Variants in MED12L observed in about 807,000 individuals in gnomAD.
MED12L encodes the protein mediator of RNA polymerase II transcription subunit 12-like protein.
MED12L carries 60 observed loss-of-function variants against 281.3 expected under a neutral mutation model. The observed-to-expected ratio is 0.21, with a 90% CI of 0.17 to 0.26. MED12L has a LOEUF of 0.26. Among genes scored for constraint, MED12L ranks in the 10% least tolerant of loss-of-function variants. The probability of loss-of-function intolerance (pLI) is 1.00; values close to 1 mark genes in which losing one functional copy is unlikely to be tolerated. For synonymous variants in MED12L, 974 were observed against 987.2 expected (o/e 0.99, Z 0.25); for missense variants, 2,146 against 2,680.9 (o/e 0.80, Z 4.41).
At chr3:151,093,714 C>T (rs1720358621) in intron 2 of MED12L, among the ~76,000 whole-genome samples, 1 of 152,224 alleles carries the variant, frequency 6.6e-6, no homozygotes, top group Non-Finnish European at 1.5e-5. Context: ...ATAGCTATAT[C>T]TCCCTTCTGC....
intron 36 of MED12L, among the ~76,000 whole-genome samples, chr3:151,386,150 T>A (rs10935842): frequency 0.3 from 45,156 of 152,052 alleles, 7,593 homozygotes; most frequent in Non-Finnish European, 0.38. Context: ...AAGAATCAGA[T>A]TTACCAGGGA....
Position 151,355,128 on chromosome 3 carries a change from C to T in MED12L, c.2406C>T (p.Asp802=), listed in dbSNP as rs199750872. 9.3e-6 allele frequency: 15 copies of T among 1,612,304 alleles called. No homozygotes were observed. Among genetic ancestry groups the T allele is most frequent in the Non-Finnish European group, 1.1e-5 (13 of 1,178,786 alleles). ...KKSTTETGVG[D]EGQKARKNKQ... ...TGCTTTATGTTTATGTAGTTGGGGA[C>T]GAAGGACAAAAAGCCAGGAAGAACA... Residue 802 remains aspartate, a synonymous_variant, in exon 18 of 45, where the codon GAC becomes GAT. Coordinates refer to ENST00000687756, the MANE Select transcript of MED12L (RefSeq NM_001393769.1).
chr3:151,127,809 T>C lies in MED12L; in HGVS notation c.397-16T>C. The C allele has an allele frequency of 6.5e-7, 1 of 1,537,722 alleles. No homozygotes were observed. Among genetic ancestry groups the C allele is most frequent in the South Asian group, 1.1e-5 (1 of 88,812 alleles). Reference sequence around the variant, plus strand: ...GTACGTGATTATTATAAATATACTATGTTGTTTCTTTTTAGGTTCCTATCC... The same window carrying C: ...GTACGTGATTATTATAAATATACTACGTTGTTTCTTTTTAGGTTCCTATCC... On this transcript the variant is annotated splice_polypyrimidine_tract_variant and intron_variant, in intron 4 of 44. Coordinates refer to ENST00000687756, the MANE Select transcript of MED12L (RefSeq NM_001393769.1).
intron 2 of MED12L, among the ~76,000 whole-genome samples, chr3:151,114,166 A>G (rs994189830): frequency 6.6e-6 from 1 of 152,214 alleles, no homozygotes; most frequent in African/African-American, 2.4e-5. Flanking sequence ...GTTTTGCTCT[A>G]TATTTTCACA....
intron 16 of MED12L, among the ~76,000 whole-genome samples, chr3:151,197,304 C>T (rs1309590649): frequency 6.6e-6 from 1 of 152,218 alleles, no homozygotes; most frequent in East Asian, 1.9e-4. Flanking sequence ...GCTGAGATTA[C>T]AGGCGTGCAC....
At chr3:151,121,597 A>G (rs2148769326) in intron 3 of MED12L, among the ~76,000 whole-genome samples, 1 of 152,360 alleles carries the variant, frequency 6.6e-6, no homozygotes, top group Non-Finnish European at 1.5e-5. Flanking sequence ...GGGGATATTT[A>G]TCAGAAATTA....
chr3:151,214,762 C>T (rs1023392033), intron 16 of MED12L, among the ~76,000 whole-genome samples: 2 of 152,082 alleles, frequency 1.3e-5, no homozygotes, highest in African/African-American at 4.8e-5. Context: ...AATAATGGTT[C>T]CCTATAAAAC....
intron 43 of MED12L, among the ~76,000 whole-genome samples, chr3:151,429,405 C>T (rs1299125272): frequency 3.3e-5 from 5 of 152,072 alleles, no homozygotes; most frequent in Admixed American, 2.6e-4. Flanking sequence ...GGTGTATGTG[C>T]CTGTGTCAGA....
chr3:151,285,350 T>G (rs964030159), intron 16 of MED12L, among the ~76,000 whole-genome samples: 4 of 152,038 alleles, frequency 2.6e-5, no homozygotes, highest in East Asian at 3.9e-4. Flanking sequence ...CCGGGTGTGG[T>G]GGCGGGTGCC....
chr3:151,238,020 A>G (rs1430063573), intron 16 of MED12L, among the ~76,000 whole-genome samples: 1 of 152,208 alleles, frequency 6.6e-6, no homozygotes, highest in East Asian at 1.9e-4. Context: ...GTTATATTTC[A>G]AGAAGCAAAA....
rs62283027 is a variant in MED12L, at chr3:151,298,622, A to C, written c.2251-51437A>C. 6.5e-3 allele frequency among the ~76,000 whole-genome samples: 988 copies of C among 152,108 alleles called. 8 individuals are homozygous for C. Among genetic ancestry groups the C allele is most frequent in the South Asian group, 0.015 (71 of 4,826 alleles). ...TGACATAACTCAGTTTACTAGTTCC[A>C]TAGTAAATTATTTTGTGCCATGTGT... On this transcript the variant is annotated intron_variant, in intron 16 of 44. Coordinates refer to ENST00000687756, the MANE Select transcript of MED12L (RefSeq NM_001393769.1).
chr3:151,253,712 T>C (rs1390412418), intron 16 of MED12L, among the ~76,000 whole-genome samples: 4 of 152,072 alleles, frequency 2.6e-5, no homozygotes, highest in African/African-American at 9.7e-5. Flanking sequence ...ATGGAGTCAT[T>C]TGGCTTGTCT....
intron 28 of MED12L, 57 bp from the exon 29 acceptor site, chr3:151,376,743 A>T: frequency 7.3e-7 from 1 of 1,364,698 alleles, no homozygotes; most frequent in Non-Finnish European, 1.0e-6. Flanking sequence ...GTAAGAAATT[A>T]CTGTATTTTA....
At chr3:151,321,180 A>G (rs533751686) in intron 16 of MED12L, among the ~76,000 whole-genome samples, 19 of 152,294 alleles carry the variant, frequency 1.2e-4, no homozygotes, top group African/African-American at 2.2e-4. Context: ...CTGGTTTCCT[A>G]TTAGTGACAA....
At chr3:151,202,460 C>G (rs570703493) in intron 16 of MED12L, among the ~76,000 whole-genome samples, 1 of 152,306 alleles carries the variant, frequency 6.6e-6, no homozygotes, top group South Asian at 2.1e-4. Context: ...CACTTGAGGT[C>G]AAGAGTTCGA....
At chr3:151,269,836 G>A (rs1170858398) in intron 16 of MED12L, 7 of 440,852 alleles carry the variant, frequency 1.6e-5, no homozygotes, top group African/African-American at 1.2e-4. Flanking sequence ...CCAGTCAAAC[G>A]CAGAGTAAAG....
intron 11 of MED12L, among the ~76,000 whole-genome samples, chr3:151,180,420 G>A (rs1213689708): frequency 1.3e-5 from 2 of 152,178 alleles, no homozygotes; most frequent in Admixed American, 6.5e-5. Context: ...TCTTTTAGAC[G>A]TTTCTCTCTA....
chr3:151,165,765 A>G lies in MED12L; in HGVS notation c.1358-81A>G. On this transcript the variant is annotated intron_variant, in intron 10 of 44. Coordinates refer to ENST00000687756, the MANE Select transcript of MED12L (RefSeq NM_001393769.1). ...AATTAAAAAAAAATTCTTTTGCCTC[A>G]CATAGAATGGTGATTTTGTACTGTG... is the stretch of plus-strand genomic sequence containing the variant. The G allele has an allele frequency of 4.2e-6, 6 of 1,434,068 alleles. No homozygotes were observed. The South Asian group carries it at 7.6e-5, about 18-fold the overall frequency. 88.8% of individuals were successfully genotyped at this position (1,434,068 alleles called of 1,614,324 possible). A position where few individuals can be genotyped will look rare whatever the true frequency, so the allele number is the denominator to read the frequency against.
intron 16 of MED12L, among the ~76,000 whole-genome samples, chr3:151,331,861 C>T (rs1162491840): frequency 6.6e-6 from 1 of 152,096 alleles, no homozygotes; most frequent in Non-Finnish European, 1.5e-5. Flanking sequence ...AGCCATTTTC[C>T]CCATATCATG....
Sources: allele counts gnomAD v4.1 joint callset (sites outside exome capture counted in the v4.1 genomes callset), GRCh38; gene constraint gnomAD v4.1.1; transcripts MANE v1.5; gene names NCBI Gene and HGNC (gene_info 2026-07-23, HGNC 2026-07-21).